Variants in SIN3A observed in about 807,000 individuals in gnomAD.
SIN3A encodes the protein paired amphipathic helix protein Sin3a.
A neutral mutation model predicts 146.1 loss-of-function variants in SIN3A; 14 were observed. The ratio of observed to expected loss-of-function variants is 0.10; its 90% confidence interval spans 0.06 to 0.15. The LOEUF (loss-of-function observed/expected upper bound fraction) is 0.15. Among genes scored for constraint, SIN3A ranks in the 10% least tolerant of loss-of-function variants. SIN3A has a pLI of 1.00. For synonymous variants in SIN3A, 572 were observed against 572.0 expected, an observed-to-expected ratio of 1.00 and a Z score of 0.00; for missense variants, 1,028 against 1,576.0, an observed-to-expected ratio of 0.65 and a Z score of 5.89.
chr15:75,379,886 G>T (rs2072932873), intron 19 of SIN3A, among the ~76,000 whole-genome samples: 1 of 152,212 alleles, frequency 6.6e-6, no homozygotes, highest in African/African-American at 2.4e-5. Flanking sequence ...GCAGGCCTAA[G>T]ATTGCTATTC....
intron 19 of SIN3A, among the ~76,000 whole-genome samples, chr15:75,376,664 CT>C (rs1433088383): frequency 4.0e-5 from 6 of 150,046 alleles, no homozygotes; most frequent in Non-Finnish European, 7.4e-5. Flanking sequence ...TGAGACTAGC[CT>C]GGGCAACATG....
chr15:75,386,398 C>T (rs2073079868), intron 16 of SIN3A, among the ~76,000 whole-genome samples: 1 of 152,216 alleles, frequency 6.6e-6, no homozygotes, highest in Non-Finnish European at 1.5e-5. Flanking sequence ...TATCTGGCCC[C>T]TCCTCGAGTC....
intron 18 of SIN3A, 83 bp downstream of exon 18, chr15:75,381,530 T>C (rs1878570201): frequency 2.8e-6 from 3 of 1,060,900 alleles, no homozygotes; most frequent in Admixed American, 2.0e-5. Context: ...CCTTGGCCTT[T>C]TGGCAGACAG....
intron 19 of SIN3A, 112 bp downstream of exon 19, chr15:75,380,517 G>T: frequency 1.3e-6 from 1 of 794,400 alleles, no homozygotes; most frequent in Non-Finnish European, 2.1e-6. Context: ...ATCCCCAGCA[G>T]ATAGAACAAA....
At chr15:75,387,060 G>A (rs976565925) in intron 16 of SIN3A, among the ~76,000 whole-genome samples, 6 of 152,258 alleles carry the variant, frequency 3.9e-5, no homozygotes, top group Admixed American at 3.3e-4. Context: ...GCCCGCCTTG[G>A]ACTCCCAAAG....
At chr15:75,378,614 A>G (rs922420396) in intron 19 of SIN3A, among the ~76,000 whole-genome samples, 1 of 152,158 alleles carries the variant, frequency 6.6e-6, no homozygotes, top group African/African-American at 2.4e-5. Context: ...TTGTTGTCAT[A>G]TCAAAGAATA....
chr15:75,445,851 G>C (rs2074298520), intron 1 of SIN3A, among the ~76,000 whole-genome samples: 1 of 151,856 alleles, frequency 6.6e-6, no homozygotes, highest in South Asian at 2.1e-4. Context: ...AGGTGGAAGT[G>C]TCACTCACAT....
At chr15:75,421,034 G>A (rs1181312004) in intron 3 of SIN3A, 1 of 152,212 alleles carries the variant, frequency 6.6e-6, no homozygotes, top group African/African-American at 2.4e-5. Flanking sequence ...TGTGAGGAAG[G>A]TGGGTAAAAA....
At chr15:75,380,912 A>G in intron 18 of SIN3A, 189 bp from the exon 19 acceptor site, 2 of 536,728 alleles carry the variant, frequency 3.7e-6, no homozygotes, top group East Asian at 3.2e-5. Context: ...TCTGTTAGCC[A>G]GCAATACTGC....
chr15:75,390,469 T>C (rs1331685054), intron 15 of SIN3A, among the ~76,000 whole-genome samples: 1 of 152,198 alleles, frequency 6.6e-6, no homozygotes, highest in Non-Finnish European at 1.5e-5. Context: ...CTAGAATAAA[T>C]CTCATCAGTT....
chr15:75,397,870 CG>C (rs1421293013), intron 12 of SIN3A, among the ~76,000 whole-genome samples: 20 of 152,188 alleles, frequency 1.3e-4, no homozygotes, highest in Non-Finnish European at 2.2e-4. Flanking sequence ...CCTTACTAAA[CG>C]TAAGTAACAA....
intron 9 of SIN3A, among the ~76,000 whole-genome samples, chr15:75,403,697 C>T (rs1462854408): frequency 1.3e-5 from 2 of 151,996 alleles, no homozygotes; most frequent in African/African-American, 4.8e-5. Flanking sequence ...CCTGCCACAA[C>T]GCCCAGCTAA....
chr15:75,424,173 C>G (rs1172607424), intron 2 of SIN3A, among the ~76,000 whole-genome samples: 1 of 151,930 alleles, frequency 6.6e-6, no homozygotes, highest in Non-Finnish European at 1.5e-5. Context: ...TGGCTCATGC[C>G]TGTAATCCCA....
At chr15:75,398,161 CCAGT>C (rs1489502936) in intron 12 of SIN3A, among the ~76,000 whole-genome samples, 1 of 152,244 alleles carries the variant, frequency 6.6e-6, no homozygotes, top group African/African-American at 2.4e-5. Context: ...GTAAGCACAG[CCAGT>C]CAATTTAATG....
Position 75,384,406 on chromosome 15 carries a change from A to C in SIN3A, c.3053T>G (p.Val1018Gly). The C allele has an allele frequency of 1.2e-6, 2 of 1,613,414 alleles. No individual in the cohort carries two copies. The highest frequency in any genetic ancestry group is 1.7e-6 in the Non-Finnish European group (2 of 1,179,656). The change falls in exon 17 of 21, where the codon GTG becomes GGG. Residue 1018 changes from valine to glycine, a missense_variant. Val to Gly is a moderately radical substitution (Grantham distance 109). Around this residue, in one of 9 missense-constraint regions of SIN3A, gnomAD observed 488 missense variants for 690.2 expected, o/e 0.71. Coordinates refer to ENST00000394947, the MANE Select transcript of SIN3A (RefSeq NM_001145358.2). ...TGCCAGGTAAAGGTCAGTCACCTGC[A>C]CACAGATCTCATCACTCACGATATG... is the stretch of plus-strand genomic sequence containing the variant. ...LQHIVSDEIC[V>G]QVTDLYLAEN... is the part of the protein sequence containing the mutation.
intron 1 of SIN3A, among the ~76,000 whole-genome samples, chr15:75,440,918 C>T (rs2074196764): frequency 7.0e-6 from 1 of 142,348 alleles, no homozygotes; most frequent in Admixed American, 7.4e-5. Flanking sequence ...GAAGGCAGAG[C>T]TTGCAGTGAG....
At chr15:75,402,038 G>A (rs2073421114) in intron 9 of SIN3A, 68 bp from the exon 10 acceptor site, 8 of 982,764 alleles carry the variant, frequency 8.1e-6, no homozygotes, top group Admixed American at 3.7e-5. Flanking sequence ...AAAGGGCCTC[G>A]CTCTGTCGCC....
intron 13 of SIN3A, among the ~76,000 whole-genome samples, chr15:75,395,428 G>A (rs919121041): frequency 6.6e-6 from 1 of 152,164 alleles, no homozygotes; most frequent in African/African-American, 2.4e-5. Flanking sequence ...GCCAGCTCTT[G>A]AGGGGAAGAT....
chr15:75,427,768 G>C (rs1449155119), intron 2 of SIN3A, among the ~76,000 whole-genome samples: 5 of 151,522 alleles, frequency 3.3e-5, no homozygotes, highest in Non-Finnish European at 7.4e-5. Context: ...TCAGGAGTTC[G>C]AGACCAGTCT....
Sources: gnomAD v4.1 joint callset for allele counts (sites outside exome capture counted in the v4.1 genomes callset) on GRCh38, gnomAD v4.1.1 for gene constraint, gnomAD v4.1.1 regional missense constraint, MANE v1.5 for transcripts, NCBI Gene and HGNC (gene_info 2026-07-23, HGNC 2026-07-21) for gene names.